Variants in STRIP2 observed in about 807,000 individuals in gnomAD.
STRIP2 encodes the protein striatin interacting protein 2.
A neutral mutation model predicts 107.1 loss-of-function variants in STRIP2; 84 were observed. The ratio of observed to expected loss-of-function variants is 0.78; its 90% CI spans 0.66 to 0.94. The LOEUF is 0.94. STRIP2 is among the 40% of genes least tolerant of loss of function. The pLI is 0.00. For missense variants in STRIP2, 888 were observed against 1,034.2 expected, an observed-to-expected ratio of 0.86 and a Z score of 1.94; for synonymous variants, 394 against 400.4, an observed-to-expected ratio of 0.98 and a Z score of 0.19.
chr7:129,451,600 CT>C lies in STRIP2; in HGVS notation c.275-9del, dbSNP rs1562899366. On this transcript the variant is annotated splice_polypyrimidine_tract_variant and intron_variant, in intron 3 of 20. Transcript: ENST00000249344. Reference sequence around the variant, plus strand: ...ATAGCTGACACTGGATGTATATGGCCTTTTATTCCCAGTGCAGGGCAAGGAA... The same window carrying C: ...ATAGCTGACACTGGATGTATATGGCCTTTATTCCCAGTGCAGGGCAAGGAA... 4 of 1,613,894 alleles carry C rather than the reference CT, an allele frequency of 2.5e-6. No homozygotes were observed. The highest frequency in any genetic ancestry group is 3.3e-5 in the Admixed American group (2 of 60,016).
rs368841244 is a variant in STRIP2, at chr7:129,442,022, C to T, written c.199+1931C>T. ...GTGGGTAGATCACCTGTCAGGAGTTCGAGACCAGCCTGACCAATATGGTGA... is the reference window on the plus strand; with the variant it reads ...GTGGGTAGATCACCTGTCAGGAGTTTGAGACCAGCCTGACCAATATGGTGA... On this transcript the variant is annotated intron_variant, in intron 2 of 20. Coordinates refer to ENST00000249344, the MANE Select transcript of STRIP2 (RefSeq NM_020704.3). 2.9e-4 allele frequency among the ~76,000 whole-genome samples: 44 copies of T among 152,242 alleles called. No individual in the cohort carries two copies. The Middle Eastern group carries it at 0.024, about 83-fold the overall frequency.
intron 18 of STRIP2, among the ~76,000 whole-genome samples, chr7:129,476,341 G>T (rs1459176424): frequency 2.0e-5 from 3 of 147,834 alleles, no homozygotes; most frequent in African/African-American, 7.4e-5. Flanking sequence ...CTTCTCAGAC[G>T]GGGCGGCTGC....
At chr7:129,481,675 G>A (rs1266164970) in intron 19 of STRIP2, among the ~76,000 whole-genome samples, 1 of 152,136 alleles carries the variant, frequency 6.6e-6, no homozygotes, top group Non-Finnish European at 1.5e-5. Flanking sequence ...ACTTTGGGAG[G>A]CTGAGGCAGA....
At chr7:129,438,803 A>G (rs1797821002) in intron 1 of STRIP2, among the ~76,000 whole-genome samples, 1 of 152,230 alleles carries the variant, frequency 6.6e-6, no homozygotes, top group Admixed American at 6.5e-5. Context: ...AATAACTCAC[A>G]GGATTCAGGA....
chr7:129,435,895 C>T (rs1257037417), intron 1 of STRIP2, among the ~76,000 whole-genome samples: 1 of 152,100 alleles, frequency 6.6e-6, no homozygotes, highest in South Asian at 2.1e-4. Context: ...TTCATGTATG[C>T]TTTACATTTT....
At chr7:129,475,310 T>C (rs1798886304) in intron 18 of STRIP2, among the ~76,000 whole-genome samples, 1 of 152,038 alleles carries the variant, frequency 6.6e-6, no homozygotes, top group Non-Finnish European at 1.5e-5. Flanking sequence ...AAATATTTTA[T>C]ATGTATTATA....
At position 129,486,871 on chromosome 7, in the gene STRIP2, A is replaced by T. The variant is rs1220378369; in HGVS notation, c.*1042A>T. 6.6e-6 allele frequency: 1 copy of T among 152,022 alleles called. No homozygotes were observed. Among genetic ancestry groups the T allele is most frequent in the East Asian group, 1.9e-4 (1 of 5,194 alleles). The allele number at this position is 152,022 out of a possible 1,614,324, so 9.4% of individuals were successfully genotyped here. A position where few individuals can be genotyped will look rare whatever the true frequency, so the allele number is the denominator to read the frequency against. ...CTGTCTCTACTTAAAAGTATTGCAC[A>T]TTTCATTGAAAATGTGAGAGTTGAT... On this transcript the variant is annotated 3_prime_UTR_variant, in exon 21 of 21. Coordinates refer to ENST00000249344, the MANE Select transcript of STRIP2 (RefSeq NM_020704.3).
chr7:129,471,683 A>T (rs531057287), intron 18 of STRIP2, among the ~76,000 whole-genome samples: 8 of 152,296 alleles, frequency 5.3e-5, no homozygotes, highest in East Asian at 1.9e-4. Context: ...GAGCCATTTG[A>T]TCCAACCCCC....
At chr7:129,436,140 G>T (rs1418839750) in intron 1 of STRIP2, among the ~76,000 whole-genome samples, 3 of 152,056 alleles carry the variant, frequency 2.0e-5, no homozygotes, top group Non-Finnish European at 4.4e-5. Context: ...TTTTTTTGGG[G>T]AGATGAGCCA....
chr7:129,454,202 A>G lies in STRIP2; in HGVS notation c.591A>G (p.Thr197=). The change falls in exon 6 of 21, where the codon ACA becomes ACG. Residue 197 remains threonine (T), a synonymous_variant. Coordinates refer to ENST00000249344, the MANE Select transcript of STRIP2 (RefSeq NM_020704.3). ...RKPAVSIADS[T]ELRVLLSVMY... ...CAGCTGTCTCCATAGCTGATAGCAC[A>G]GAGCTCAGGTGAGTGGGGCTAACTA... 1 of 1,614,122 alleles carries G rather than the reference A, an allele frequency of 6.2e-7. No homozygotes were observed. Among genetic ancestry groups the G allele is most frequent in the Non-Finnish European group, 8.5e-7 (1 of 1,179,986 alleles).
chr7:129,467,403 G>T lies in STRIP2; in HGVS notation c.1830G>T (p.Leu610=), dbSNP rs777152419. ...TTGCCAACTGCATCCCCTTGATCCT[G>T]AAGTTCTTCAATCAAAATATCTTGT... is the stretch of plus-strand genomic sequence containing the variant. ...LVFANCIPLI[L]KFFNQNILSY... Residue 610 remains leucine, a synonymous_variant, in exon 17 of 21, where the codon CTG becomes CTT. Transcript: ENST00000249344. The T allele has an allele frequency of 6.2e-7, 1 of 1,613,576 alleles. No individual in the cohort carries two copies. The highest frequency in any genetic ancestry group is 1.7e-5 in the Admixed American group (1 of 59,986).
At chr7:129,440,461 T>C (rs1384174943) in intron 2 of STRIP2, among the ~76,000 whole-genome samples, 1 of 152,202 alleles carries the variant, frequency 6.6e-6, no homozygotes, top group Non-Finnish European at 1.5e-5. Flanking sequence ...CCTACTTCTT[T>C]CTGCTGCCCT....
intron 3 of STRIP2, among the ~76,000 whole-genome samples, chr7:129,447,901 T>A (rs692248): frequency 0.88 from 134,191 of 152,278 alleles, 59,370 homozygotes; most frequent in East Asian, 0.96. Context: ...TTGAACAGGG[T>A]TGTGGTGGGA....
chr7:129,463,975 G>T (rs1798607572), intron 14 of STRIP2, 69 bp from the exon 15 acceptor site: 1 of 1,217,640 alleles, frequency 8.2e-7, no homozygotes, highest in South Asian at 1.2e-5. Context: ...GGCGGTTAGG[G>T]TGTGGAAGAA....
At chr7:129,438,518 A>G (rs1475892453) in intron 1 of STRIP2, among the ~76,000 whole-genome samples, 3 of 152,204 alleles carry the variant, frequency 2.0e-5, no homozygotes, top group African/African-American at 7.2e-5. Flanking sequence ...CTATGAAGTA[A>G]GTCCTGTTAT....
intron 3 of STRIP2, among the ~76,000 whole-genome samples, chr7:129,448,739 G>A (rs1171722725): frequency 6.6e-6 from 1 of 152,146 alleles, no homozygotes. Flanking sequence ...TGATGGTCGA[G>A]TGCTTCCACT....
rs142786641 is a variant in STRIP2, at chr7:129,444,184, C to T, written c.274+86C>T. The stretch of plus-strand genomic sequence containing the variant: ...TCTAGTAAAAGACTAAAACAAAGTG[C>T]GATCCTTCATCCCCTCTGTATTAGT... On this transcript the variant is annotated intron_variant, in intron 3 of 20. Coordinates refer to ENST00000249344, the MANE Select transcript of STRIP2 (RefSeq NM_020704.3). 1,610 of 936,746 alleles carry T rather than the reference C, an allele frequency of 1.7e-3. 20 individuals are homozygous for T. The African/African-American group carries it at 0.022, about 13-fold the overall frequency. The allele number at this position is 936,746 out of a possible 1,614,324, so 58.0% of individuals were successfully genotyped here.
rs573469719 is a variant in STRIP2 at position 129,480,853 on chromosome 7, C to A, written c.2013C>A (p.Leu671=). The A allele has an allele frequency of 1.4e-5, 23 of 1,613,744 alleles. No individual in the cohort carries two copies. In the South Asian group the frequency reaches 2.5e-4, roughly 18 times the overall value. ...LFSCINLLRL[L]NKLTKWKHSR... ...CCTGCATCAACCTCCTGAGGCTGCT[C>A]AATAAACTGACCAAATGGAAACATT... is the stretch of plus-strand genomic sequence containing the variant. Residue 671 remains leucine (L), a synonymous_variant, in exon 19 of 21, where the codon CTC becomes CTA. Transcript: ENST00000249344.
chr7:129,466,942 A>G (rs1328209002), intron 16 of STRIP2, among the ~76,000 whole-genome samples: 1 of 152,212 alleles, frequency 6.6e-6, no homozygotes, highest in African/African-American at 2.4e-5. Flanking sequence ...GAGTGATGCC[A>G]GCAGTTGCCA....
Sources: allele counts gnomAD v4.1 joint callset (sites outside exome capture counted in the v4.1 genomes callset), GRCh38; gene constraint gnomAD v4.1.1; transcripts MANE v1.5; gene names NCBI Gene and HGNC (gene_info 2026-07-23, HGNC 2026-07-21).